Variants in ASTN2 observed in about 807,000 individuals in gnomAD.
ASTN2 encodes the protein astrotactin-2.
A neutral mutation model predicts 139.8 loss-of-function variants in ASTN2; 54 were observed. The ratio of observed to expected loss-of-function variants is 0.39; its 90% confidence interval spans 0.31 to 0.48. ASTN2 has a LOEUF of 0.48. Ranked by LOEUF, ASTN2 falls within the 20% of genes least tolerant of loss-of-function variation. ASTN2 has a pLI of 0.95. For synonymous variants in ASTN2, 756 were observed against 719.5 expected (o/e 1.05, Z -0.81); for missense variants, 1,565 against 1,725.1 (o/e 0.91, Z 1.64).
chr9:117,380,485 G>T (rs1398832716), intron 1 of ASTN2, among the ~76,000 whole-genome samples: 1 of 151,478 alleles, frequency 6.6e-6, no homozygotes, highest in Non-Finnish European at 1.5e-5. Flanking sequence ...TGCGCCTGCA[G>T]TCCCAGCTAC....
intron 16 of ASTN2, among the ~76,000 whole-genome samples, chr9:116,670,964 C>T (rs570236919): frequency 6.6e-6 from 1 of 152,066 alleles, no homozygotes; most frequent in African/African-American, 2.4e-5. Flanking sequence ...TCCATATCAA[C>T]TCAAGGAAAT....
At position 117,349,249 on chromosome 9, in the gene ASTN2, G is replaced by A. The variant is rs140629905; in HGVS notation, c.443-57736C>T. Among the ~76,000 whole-genome samples the A allele has an allele frequency of 4.0e-3, 603 of 152,298 alleles. 6 individuals are homozygous for A. Among genetic ancestry groups the A allele is most frequent in the African/African-American group, 0.013 (557 of 41,568 alleles). On this transcript the variant is annotated intron_variant, in intron 1 of 22. Transcript: ENST00000313400. The stretch of plus-strand genomic sequence containing the variant: ...GGAGAGATCACCAAGGTCATAGCAG[G>A]GTAAGGAACATGATCGTCTCTGCCT...
At chr9:116,759,595 A>G (rs992032332) in intron 13 of ASTN2, among the ~76,000 whole-genome samples, 1 of 152,210 alleles carries the variant, frequency 6.6e-6, no homozygotes, top group African/African-American at 2.4e-5. Context: ...CTGCTTGTAT[A>G]CTGATGACGC....
intron 19 of ASTN2, among the ~76,000 whole-genome samples, chr9:116,571,892 C>T (rs1328960347): frequency 6.6e-6 from 1 of 152,070 alleles, no homozygotes; most frequent in Non-Finnish European, 1.5e-5. Flanking sequence ...GGGTGATGTG[C>T]TCACATGCAT....
chr9:117,182,079 C>T (rs540474872), intron 3 of ASTN2, among the ~76,000 whole-genome samples: 11 of 152,250 alleles, frequency 7.2e-5, no homozygotes, highest in Admixed American at 4.6e-4. Context: ...TGCTGTTCCC[C>T]CCGATTAATG....
At chr9:116,852,380 A>G (rs1416103045) in intron 11 of ASTN2, among the ~76,000 whole-genome samples, 1 of 152,192 alleles carries the variant, frequency 6.6e-6, no homozygotes, top group African/African-American at 2.4e-5. Flanking sequence ...CAGGGATGGG[A>G]TTTGAATCCA....
intron 2 of ASTN2, among the ~76,000 whole-genome samples, chr9:117,280,523 T>C (rs552715176): frequency 6.6e-6 from 1 of 152,226 alleles, no homozygotes; most frequent in East Asian, 1.9e-4. Flanking sequence ...GAGAATGTAG[T>C]ATGGAGGCGG....
chr9:117,004,157 T>C (rs1294945307), intron 7 of ASTN2, among the ~76,000 whole-genome samples: 1 of 152,100 alleles, frequency 6.6e-6, no homozygotes, highest in East Asian at 1.9e-4. Context: ...TCTCACTCTG[T>C]TGCTCAGGCT....
chr9:116,701,183 A>T (rs1189854031), intron 16 of ASTN2: 1 of 167,130 alleles, frequency 6.0e-6, no homozygotes, highest in Admixed American at 6.5e-5. Flanking sequence ...TGATGTAAAC[A>T]AAATTTGCTA....
At chr9:117,399,595 T>A (rs1356453258) in intron 1 of ASTN2, among the ~76,000 whole-genome samples, 1 of 152,222 alleles carries the variant, frequency 6.6e-6, no homozygotes, top group African/African-American at 2.4e-5. Flanking sequence ...TTCATGACAG[T>A]GATACAAAGT....
At chr9:116,695,046 G>A (rs551852050) in intron 16 of ASTN2, among the ~76,000 whole-genome samples, 1 of 152,226 alleles carries the variant, frequency 6.6e-6, no homozygotes, top group South Asian at 2.1e-4. Flanking sequence ...TGGAGAAAAT[G>A]CGTATGCTAT....
At chr9:117,232,781 G>A (rs573781788) in intron 2 of ASTN2, among the ~76,000 whole-genome samples, 1 of 151,980 alleles carries the variant, frequency 6.6e-6, no homozygotes, top group East Asian at 1.9e-4. Flanking sequence ...TCCCTTTGTT[G>A]GGAGCAATTT....
At chr9:117,369,877 G>A (rs964135083) in intron 1 of ASTN2, among the ~76,000 whole-genome samples, 5 of 152,110 alleles carry the variant, frequency 3.3e-5, no homozygotes, top group Non-Finnish European at 5.9e-5. Flanking sequence ...AAGCATTAGA[G>A]GAGGAACCCC....
chr9:116,699,044 G>A lies in ASTN2; in HGVS notation c.2806+26727C>T. The A allele has an allele frequency of 6.2e-7, 1 of 1,614,178 alleles. No homozygotes were observed. The highest frequency in any genetic ancestry group is 2.2e-5 in the East Asian group (1 of 44,864). ...TACCCAACCTCACTCCTCTCTCAGT[G>A]GCAATGAACTGCCAGGGGCTGATTG... On this transcript the variant is annotated intron_variant, in intron 16 of 22. Coordinates refer to ENST00000313400, the MANE Select transcript of ASTN2 (RefSeq NM_001365068.1). This position sits in a 1 kb window ranked among gnomAD's most constrained non-coding sequence, Gnocchi z 4.2.
intron 16 of ASTN2, among the ~76,000 whole-genome samples, chr9:116,654,246 C>CATTT (rs901325431): frequency 6.6e-5 from 10 of 152,186 alleles, no homozygotes; most frequent in African/African-American, 2.4e-4. Context: ...CACCCCCATT[C>CATTT]ATTTATTTAT....
At chr9:116,706,128 C>A (rs2132088325) in intron 16 of ASTN2, among the ~76,000 whole-genome samples, 1 of 152,256 alleles carries the variant, frequency 6.6e-6, no homozygotes, top group Non-Finnish European at 1.5e-5. Flanking sequence ...TTTGAAAATG[C>A]ATACCCTCTT....
chr9:116,620,166 TAA>T (rs1856061885), intron 18 of ASTN2, 142 bp downstream of exon 18: 2 of 1,179,724 alleles, frequency 1.7e-6, no homozygotes, highest in Non-Finnish European at 2.4e-6. Context: ...CCTTCTTTCC[TAA>T]AAAAGGAGGT....
chr9:116,541,653 A>G (rs758944860), intron 19 of ASTN2, among the ~76,000 whole-genome samples: 10 of 152,186 alleles, frequency 6.6e-5, no homozygotes, highest in Non-Finnish European at 1.0e-4. Context: ...CCATGGGCAG[A>G]TGGAAGCAGA....
intron 3 of ASTN2, among the ~76,000 whole-genome samples, chr9:117,177,038 A>G (rs1830934800): frequency 6.6e-6 from 1 of 152,234 alleles, no homozygotes; most frequent in Non-Finnish European, 1.5e-5. Context: ...TTGTTATAGT[A>G]TTCAGATGTC....
Sources: allele counts gnomAD v4.1 joint callset (sites outside exome capture counted in the v4.1 genomes callset), GRCh38; gene constraint gnomAD v4.1.1; non-coding constraint Gnocchi (gnomAD v3.1); transcripts MANE v1.5; gene names NCBI Gene and HGNC (gene_info 2026-07-23, HGNC 2026-07-21).